Variants in PXYLP1 observed in about 807,000 individuals in gnomAD.
The protein encoded by PXYLP1 is acid phosphatase-like 2.
PXYLP1 carries 17 observed loss-of-function variants against 37.9 expected under a neutral mutation model. The observed-to-expected ratio is 0.45, with a 90% CI of 0.31 to 0.67. The LOEUF is 0.67. Among genes scored for constraint, PXYLP1 ranks in the 30% least tolerant of loss-of-function variants. The probability of loss-of-function intolerance (pLI) is 0.07; values close to 1 mark genes in which losing one functional copy is unlikely to be tolerated. For synonymous variants in PXYLP1, 221 were observed against 232.2 expected, an observed-to-expected ratio of 0.95 and a Z score of 0.44; for missense variants, 511 against 612.0, an observed-to-expected ratio of 0.84 and a Z score of 1.74.
chr3:141,263,124 G>A (rs144120206), intron 2 of PXYLP1, among the ~76,000 whole-genome samples: 291 of 152,274 alleles, frequency 1.9e-3, no homozygotes, highest in South Asian at 3.5e-3. Context: ...CCCAGGTTAC[G>A]ATTCAAAAAT....
chr3:141,269,416 C>T (rs1441979642), intron 2 of PXYLP1, among the ~76,000 whole-genome samples: 2 of 144,004 alleles, frequency 1.4e-5, no homozygotes, highest in Admixed American at 6.7e-5. Context: ...TTTTCCTTTT[C>T]TTTTTATACT....
chr3:141,252,076 A>G (rs1028849454), intron 1 of PXYLP1, among the ~76,000 whole-genome samples: 2 of 152,206 alleles, frequency 1.3e-5, no homozygotes, highest in African/African-American at 4.8e-5. Flanking sequence ...ATTATCACGT[A>G]GAGCAGGGCT....
chr3:141,233,917 G>T (rs533940671), intron 1 of PXYLP1, among the ~76,000 whole-genome samples: 3 of 152,230 alleles, frequency 2.0e-5, no homozygotes, highest in East Asian at 3.9e-4. Context: ...TCCCTACACC[G>T]CTCTGTGATG....
intron 2 of PXYLP1, chr3:141,273,496 C>T (rs1437489936): frequency 3.2e-6 from 3 of 946,240 alleles, no homozygotes; most frequent in Admixed American, 1.3e-4. Flanking sequence ...ACTGTGCATT[C>T]GGGAGATGGG....
intron 1 of PXYLP1, 26 bp from the exon 2 acceptor site, chr3:141,260,097 A>ATTTTTTTTTT: frequency 6.4e-7 from 1 of 1,556,620 alleles, no homozygotes; most frequent in Non-Finnish European, 8.8e-7. Context: ...CTAAACACTC[A>ATTTTTTTTTT]TTTATCACCT....
Position 141,289,268 on chromosome 3 carries a change from T to C in PXYLP1, c.505+1815T>C, listed in dbSNP as rs1358516151. 4.6e-5 allele frequency among the ~76,000 whole-genome samples: 6 copies of C among 129,548 alleles called. No homozygotes were observed. The East Asian group carries it at 1.3e-3, about 27-fold the overall frequency. 85.0% of individuals were successfully genotyped at this position (129,548 alleles called of 152,430 possible). On this transcript the variant is annotated intron_variant, in intron 5 of 5. Coordinates refer to ENST00000286353, the MANE Select transcript of PXYLP1 (RefSeq NM_001037172.3). ...ATATTATACAAAAATGGTTTTGTGT[T>C]CTAGACACAAAAACAGAATTAGATT... is the stretch of plus-strand genomic sequence containing the variant.
chr3:141,260,278 G>C, intron 2 of PXYLP1, 24 bp downstream of exon 2: 1 of 1,610,014 alleles, frequency 6.2e-7, no homozygotes, highest in Middle Eastern at 1.7e-4. Context: ...GGCCCCGCAG[G>C]TCGTGGGAGG....
At chr3:141,254,370 C>T (rs898645768) in intron 1 of PXYLP1, among the ~76,000 whole-genome samples, 2 of 152,148 alleles carry the variant, frequency 1.3e-5, no homozygotes, top group African/African-American at 4.8e-5. Context: ...CACTTACTGG[C>T]TCTCAGGAAA....
intron 2 of PXYLP1, chr3:141,274,559 A>G (rs1391850028): frequency 3.7e-6 from 4 of 1,075,666 alleles, no homozygotes; most frequent in Admixed American, 2.0e-5. Context: ...TCAGTGCTCC[A>G]CATGAGGAGT....
chr3:141,277,455 C>T lies in PXYLP1; in HGVS notation c.80-887C>T, dbSNP rs1396664701. The stretch of plus-strand genomic sequence containing the variant: ...ACGGAGAGATTAGGGACCACTGAGA[C>T]AGAAGCTGTTCATGAGGGATAGATG... On this transcript the variant is annotated intron_variant, in intron 2 of 5. Coordinates refer to ENST00000286353, the MANE Select transcript of PXYLP1 (RefSeq NM_001037172.3). 2.0e-5 allele frequency among the ~76,000 whole-genome samples: 3 copies of T among 152,084 alleles called. No homozygotes were observed. In the East Asian group the frequency reaches 5.8e-4, roughly 29 times the overall value.
intron 1 of PXYLP1, among the ~76,000 whole-genome samples, chr3:141,257,271 G>A (rs1941283489): frequency 6.6e-6 from 1 of 152,188 alleles, no homozygotes; most frequent in African/African-American, 2.4e-5. Flanking sequence ...GGCTCCATGT[G>A]GTCTCTCATG....
chr3:141,231,961 A>C lies in PXYLP1; in HGVS notation c.-54+50A>C, dbSNP rs114507034. The C allele has an allele frequency of 0.31, 47,293 of 152,348 alleles. 10,012 individuals carry two copies. The highest frequency in any genetic ancestry group is 0.6 in the African/African-American group (24,989 of 41,426). The allele number at this position is 152,348 out of a possible 1,614,324, so 9.4% of individuals were successfully genotyped here. ...GGGGCGGTTGCCGTTGGGGCCGAGC[A>C]GCGCAGAGGTTCTAGGCGGGTGGGC... On this transcript the variant is annotated intron_variant, in intron 1 of 5. Transcript: ENST00000286353. The surrounding 1 kb of genome is among the most constrained non-coding windows in gnomAD (Gnocchi z 4.4).
At chr3:141,284,245 G>A (rs565407954) in intron 4 of PXYLP1, among the ~76,000 whole-genome samples, 1 of 152,070 alleles carries the variant, frequency 6.6e-6, no homozygotes, top group Non-Finnish European at 1.5e-5. Flanking sequence ...TTTCTTCCAG[G>A]TTGTTGTTTC....
At chr3:141,270,864 AG>A (rs1178839018) in intron 2 of PXYLP1, among the ~76,000 whole-genome samples, 2 of 152,166 alleles carry the variant, frequency 1.3e-5, no homozygotes, top group African/African-American at 4.8e-5. Flanking sequence ...AATCACATCC[AG>A]GGGATGGATG....
At chr3:141,273,532 C>A in intron 2 of PXYLP1, 1 of 985,394 alleles carries the variant, frequency 1.0e-6, no homozygotes. Context: ...GGGGAGGGAG[C>A]CTGCGTGGGA....
chr3:141,257,365 T>C (rs960047936), intron 1 of PXYLP1, among the ~76,000 whole-genome samples: 6 of 152,204 alleles, frequency 3.9e-5, no homozygotes, highest in Admixed American at 6.5e-5. Flanking sequence ...AATGCATAAG[T>C]ACTTTTCAAG....
chr3:141,247,180 G>T (rs1940979037), intron 1 of PXYLP1, among the ~76,000 whole-genome samples: 3 of 152,260 alleles, frequency 2.0e-5, no homozygotes, highest in Admixed American at 2.0e-4. Flanking sequence ...AGGCTCTTCT[G>T]TGGGGCTGAG....
At chr3:141,234,997 T>A (rs905083897) in intron 1 of PXYLP1, 1 of 152,192 alleles carries the variant, frequency 6.6e-6, no homozygotes, top group Non-Finnish European at 1.5e-5. Flanking sequence ...AGAGACATAC[T>A]ACTATCTAGA....
intron 1 of PXYLP1, among the ~76,000 whole-genome samples, chr3:141,255,793 G>A (rs567967758): frequency 7.9e-5 from 12 of 152,364 alleles, no homozygotes; most frequent in South Asian, 4.1e-4. Context: ...GAGATGGAAA[G>A]GGGGAAAGGG....
Sources: allele counts gnomAD v4.1 joint callset (sites outside exome capture counted in the v4.1 genomes callset), GRCh38; gene constraint gnomAD v4.1.1; non-coding constraint Gnocchi (gnomAD v3.1); transcripts MANE v1.5; gene names NCBI Gene and HGNC (gene_info 2026-07-23, HGNC 2026-07-21).